Variants in MFF observed in about 807,000 individuals in gnomAD.
The protein encoded by MFF is mitochondrial fission factor.
In MFF, 12 loss-of-function variants were observed where a neutral mutation model predicts 36.9. The ratio of observed to expected loss-of-function variants is 0.33; its 90% confidence interval spans 0.21 to 0.53. The LOEUF is 0.53. Among genes scored for constraint, MFF ranks in the 20% least tolerant of loss-of-function variants. MFF has a pLI of 0.95. For missense variants in MFF, 348 were observed against 366.6 expected (o/e 0.95, Z 0.42); for synonymous variants, 99 against 126.2 (o/e 0.78, Z 1.44).
intron 5 of MFF, among the ~76,000 whole-genome samples, chr2:227,344,821 T>TA: frequency 6.6e-6 from 1 of 152,366 alleles, no homozygotes; most frequent in Admixed American, 6.5e-5. Flanking sequence ...TTTGAAATGT[T>TA]AATTTCTTTT....
Position 227,332,522 on chromosome 2 carries a change from G to T in MFF, c.285G>T (p.Thr95=), listed in dbSNP as rs11557342. 6.2e-7 allele frequency: 1 copy of T among 1,613,062 alleles called. No individual in the cohort carries two copies. Among genetic ancestry groups the T allele is most frequent in the Admixed American group, 1.7e-5 (1 of 59,934 alleles). The change falls in exon 4 of 9, where the codon ACG becomes ACT. Residue 95 remains threonine, a synonymous_variant. Coordinates refer to ENST00000304593, the MANE Select transcript of MFF (RefSeq NM_001277062.2). The part of the protein sequence containing the change: ...LALKTPPRVL[T]LSERPLDFLD... ...TGAAAACACCACCTCGTGTACTTAC[G>T]CTGAGTGAAAGACCACTAGATTTTC...
chr2:227,355,642 T>A (rs776013702), intron 7 of MFF, 35 bp from the exon 8 acceptor site: 4 of 1,143,150 alleles, frequency 3.5e-6, no homozygotes, highest in Non-Finnish European at 5.1e-6. Flanking sequence ...AGTTCTACTT[T>A]ACTATTCATT....
chr2:227,341,931 A>G (rs1190288193), intron 5 of MFF, among the ~76,000 whole-genome samples: 1 of 152,136 alleles, frequency 6.6e-6, no homozygotes, highest in African/African-American at 2.4e-5. Context: ...AGCTGCATTC[A>G]GCTGAAGAGA....
chr2:227,337,372 A>G (rs548035998), intron 4 of MFF, among the ~76,000 whole-genome samples: 17 of 152,358 alleles, frequency 1.1e-4, no homozygotes, highest in Admixed American at 3.9e-4. Flanking sequence ...GATAATTTGT[A>G]CCTTTCCCCC....
intron 1 of MFF, among the ~76,000 whole-genome samples, chr2:227,327,067 TG>T (rs776922090): frequency 3.9e-5 from 6 of 152,166 alleles, no homozygotes; most frequent in African/African-American, 1.4e-4. Flanking sequence ...TGTACAGCCA[TG>T]GTTTAAGGTA....
intron 1 of MFF, among the ~76,000 whole-genome samples, chr2:227,327,520 T>C (rs2074250035): frequency 6.6e-6 from 1 of 152,226 alleles, no homozygotes; most frequent in African/African-American, 2.4e-5. Context: ...CAGTTACTTT[T>C]TAAATGTAAG....
chr2:227,338,171 C>T (rs1330243492), intron 4 of MFF, among the ~76,000 whole-genome samples: 1 of 147,642 alleles, frequency 6.8e-6, no homozygotes, highest in Non-Finnish European at 1.5e-5. Context: ...AGTTCAAGAC[C>T]AGCCTGGCCA....
intron 6 of MFF, among the ~76,000 whole-genome samples, chr2:227,347,592 CAGGGA>C (rs1471353002): frequency 6.6e-6 from 1 of 152,192 alleles, no homozygotes; most frequent in Non-Finnish European, 1.5e-5. Flanking sequence ...TTCCTTCTGT[CAGGGA>C]GAGTATACAT....
At chr2:227,340,065 C>T (rs961045475) in intron 4 of MFF, among the ~76,000 whole-genome samples, 1 of 151,704 alleles carries the variant, frequency 6.6e-6, no homozygotes, top group African/African-American at 2.4e-5. Context: ...ATAGACATTC[C>T]TGTTTATCTG....
chr2:227,326,766 G>A (rs2074176580), intron 1 of MFF, among the ~76,000 whole-genome samples: 1 of 152,174 alleles, frequency 6.6e-6, no homozygotes, highest in African/African-American at 2.4e-5. Flanking sequence ...CACGCAGTAG[G>A]TAATAAACAA....
rs1213264776 is a variant in MFF at position 227,330,732 on chromosome 2, G to A, written c.67G>A (p.Val23Ile). 1.9e-6 allele frequency: 3 copies of A among 1,614,026 alleles called. No individual in the cohort carries two copies. In the African/African-American group the frequency reaches 4.0e-5, roughly 22 times the overall value. The change falls in exon 3 of 9, where the codon GTC becomes ATC. Residue 23 changes from valine (V) to isoleucine (I), a missense_variant. Val to Ile is a conservative substitution (Grantham distance 29). Transcript: ENST00000304593. ...TGAAGGCATTAGTCAGCGAATGAGG[G>A]TCCCAGAAAAGTTAAAAGTAGCACC... Reference protein sequence around the residue: ...YTEGISQRMRVPEKLKVAPPN... With the variant: ...YTEGISQRMRIPEKLKVAPPN...
At chr2:227,343,976 C>G (rs1263051677) in intron 5 of MFF, among the ~76,000 whole-genome samples, 56 of 152,112 alleles carry the variant, frequency 3.7e-4, no homozygotes, top group Non-Finnish European at 2.9e-5. Flanking sequence ...TTAGTAGAGA[C>G]AGGGTTTCAT....
intron 4 of MFF, among the ~76,000 whole-genome samples, chr2:227,339,878 G>A (rs550277581): frequency 4.4e-4 from 67 of 152,266 alleles, no homozygotes; most frequent in Admixed American, 1.2e-3. Context: ...TGTTACAACC[G>A]TAGAAGCCAG....
In MFF at chr2:227,356,991, C is replaced by G; in HGVS notation, c.750C>G (p.Ile250Met). 1 of 1,608,818 alleles carries G rather than the reference C, an allele frequency of 6.2e-7. No homozygotes were observed. The highest frequency in any genetic ancestry group is 8.5e-7 in the Non-Finnish European group (1 of 1,177,272). The change falls in exon 9 of 9, where the codon ATC becomes ATG. Residue 250 changes from isoleucine to methionine, a missense_variant. Transcript: ENST00000304593. ...TGTGTTTGTTTTTCACTTAGATAATCAAACTAAATAGACGTCTACAACTTC... is the reference window on the plus strand; with the variant it reads ...TGTGTTTGTTTTTCACTTAGATAATGAAACTAAATAGACGTCTACAACTTC... ...VDAASLRRQI[I>M]KLNRRLQLLE...
chr2:227,328,107 A>T (rs1378160797), intron 1 of MFF, among the ~76,000 whole-genome samples: 7 of 152,088 alleles, frequency 4.6e-5, no homozygotes, highest in Admixed American at 4.6e-4. Context: ...ACGGTGGCTC[A>T]CACCTGTAGT....
intron 1 of MFF, among the ~76,000 whole-genome samples, chr2:227,326,492 T>C (rs190712133): frequency 6.6e-6 from 1 of 152,184 alleles, no homozygotes; most frequent in Non-Finnish European, 1.5e-5. Flanking sequence ...TTCAAAGGCT[T>C]GTATATTGGT....
At chr2:227,351,544 T>C (rs1375081016) in intron 6 of MFF, 1 of 152,210 alleles carries the variant, frequency 6.6e-6, no homozygotes, top group East Asian at 1.9e-4. Flanking sequence ...GAGAATGAGA[T>C]ATCCAAAATA....
In MFF at chr2:227,331,959, A is replaced by ATTTTTT. The variant is rs10549336; in HGVS notation, c.182-435_182-430dup. 7.4e-4 allele frequency among the ~76,000 whole-genome samples: 57 copies of ATTTTTT among 76,824 alleles called. 5 individuals carry two copies. The highest frequency in any genetic ancestry group is 2.6e-3 in the African/African-American group (57 of 21,952). 50.4% of individuals were successfully genotyped at this position (76,824 alleles called of 152,430 possible). A position where few individuals can be genotyped will look rare whatever the true frequency, so the allele number is the denominator to read the frequency against. On this transcript the variant is annotated intron_variant, in intron 3 of 8. Transcript: ENST00000304593. ...AGTGAAATGTCAATACGCTGGAAGC[A>ATTTTTT]TTTTTTTTTTTTTTTTTTTTTTTTT...
At chr2:227,352,687 A>G (rs2076061782) in intron 7 of MFF, 114 bp downstream of exon 7, 6 of 857,222 alleles carry the variant, frequency 7.0e-6, no homozygotes, top group Non-Finnish European at 3.9e-6. Flanking sequence ...TTGTTTCTAC[A>G]GCTTTCCTCG....
Sources: gnomAD v4.1 joint callset for allele counts (sites outside exome capture counted in the v4.1 genomes callset) on GRCh38, gnomAD v4.1.1 for gene constraint, MANE v1.5 for transcripts, NCBI Gene and HGNC (gene_info 2026-07-23, HGNC 2026-07-21) for gene names.